Variants in FNDC3B observed in about 807,000 individuals in gnomAD.
The protein encoded by FNDC3B is fibronectin type III domain-containing protein 3B.
In FNDC3B, 12 loss-of-function variants were observed where a neutral mutation model predicts 151.5. The observed-to-expected ratio is 0.08, with a 90% CI of 0.05 to 0.13. The LOEUF is 0.13. FNDC3B is among the 10% of genes least tolerant of loss of function. FNDC3B has a pLI of 1.00. For synonymous variants in FNDC3B, 528 were observed against 549.0 expected (o/e 0.96, Z 0.54); for missense variants, 1,214 against 1,505.3 (o/e 0.81, Z 3.20).
chr3:172,219,359 GTGCT>G (rs1726155152), intron 3 of FNDC3B, among the ~76,000 whole-genome samples: 1 of 152,168 alleles, frequency 6.6e-6, no homozygotes, highest in African/African-American at 2.4e-5. Flanking sequence ...GAATGAAAAT[GTGCT>G]CTCAGAGATT....
At chr3:172,268,203 G>A (rs542261369) in intron 6 of FNDC3B, among the ~76,000 whole-genome samples, 4 of 152,020 alleles carry the variant, frequency 2.6e-5, no homozygotes, top group South Asian at 2.1e-4. Context: ...CATACTTGGC[G>A]GAAAATAATG....
At chr3:172,355,914 G>T (rs1489755712) in intron 22 of FNDC3B, among the ~76,000 whole-genome samples, 1 of 152,158 alleles carries the variant, frequency 6.6e-6, no homozygotes, top group African/African-American at 2.4e-5. Flanking sequence ...CAGGACTATT[G>T]CCTTCCTTGT....
intron 19 of FNDC3B, among the ~76,000 whole-genome samples, chr3:172,345,598 G>A (rs1034720699): frequency 5.9e-5 from 9 of 151,926 alleles, no homozygotes; most frequent in African/African-American, 1.7e-4. Flanking sequence ...CCTCCCCGCC[G>A]TCTTTTTTCT....
At chr3:172,298,706 A>G (rs753690001) in intron 8 of FNDC3B, 22 bp from the exon 9 acceptor site, 11 of 1,583,152 alleles carry the variant, frequency 6.9e-6, no homozygotes, top group South Asian at 1.1e-5. Flanking sequence ...ATTAGCAACT[A>G]ATGAATGCTT....
At chr3:172,381,393 T>A (rs1453009749) in intron 25 of FNDC3B, among the ~76,000 whole-genome samples, 1 of 152,228 alleles carries the variant, frequency 6.6e-6, no homozygotes, top group African/African-American at 2.4e-5. Context: ...AAAGTCAGTA[T>A]GTAATTGAAA....
At chr3:172,177,543 A>G (rs1021079118) in intron 3 of FNDC3B, among the ~76,000 whole-genome samples, 40 of 150,542 alleles carry the variant, frequency 2.7e-4, no homozygotes, top group Admixed American at 6.6e-5. Context: ...ATGTCTTGAA[A>G]GCTTATACTG....
chr3:172,252,999 C>T (rs1728161315), intron 6 of FNDC3B, among the ~76,000 whole-genome samples: 1 of 152,102 alleles, frequency 6.6e-6, no homozygotes, highest in South Asian at 2.1e-4. Flanking sequence ...TTAACCATGA[C>T]TATACAAGAA....
intron 6 of FNDC3B, among the ~76,000 whole-genome samples, chr3:172,281,033 C>T (rs560186360): frequency 6.7e-6 from 1 of 148,936 alleles, no homozygotes; most frequent in African/African-American, 2.6e-5. Flanking sequence ...AAGCTGAGCC[C>T]CCTTTCCCTT....
chr3:172,367,315 TATG>T (rs769794831), intron 23 of FNDC3B, among the ~76,000 whole-genome samples: 1 of 152,154 alleles, frequency 6.6e-6, no homozygotes, highest in East Asian at 1.9e-4. Context: ...TGCTGGGCCT[TATG>T]AGGTATGTGG....
chr3:172,226,975 C>T (rs1474684023), intron 4 of FNDC3B, 28 bp downstream of exon 4: 1 of 1,371,394 alleles, frequency 7.3e-7, no homozygotes, highest in Non-Finnish European at 1.0e-6. Flanking sequence ...CTTCTCTACT[C>T]ACTATGGACA....
chr3:172,304,220 G>A (rs17461979), intron 9 of FNDC3B, among the ~76,000 whole-genome samples: 86,429 of 152,052 alleles, frequency 0.57, 26,764 homozygotes, highest in African/African-American at 0.82. Context: ...AGAATTTACT[G>A]AGACCAAATT....
intron 6 of FNDC3B, among the ~76,000 whole-genome samples, chr3:172,256,381 A>G (rs757743455): frequency 6.6e-6 from 1 of 152,200 alleles, no homozygotes; most frequent in African/African-American, 2.4e-5. Context: ...TTCCTCTCCC[A>G]GCATTTCATT....
At chr3:172,255,245 ACT>A in intron 6 of FNDC3B, among the ~76,000 whole-genome samples, 1 of 152,148 alleles carries the variant, frequency 6.6e-6, no homozygotes, top group East Asian at 1.9e-4. Flanking sequence ...TTCCTGGACC[ACT>A]GTCTCTGAAA....
intron 22 of FNDC3B, 36 bp downstream of exon 22, chr3:172,353,119 T>C: frequency 1.9e-6 from 3 of 1,594,432 alleles, no homozygotes; most frequent in Non-Finnish European, 2.6e-6. Context: ...CATCAGCACA[T>C]CAGCACTTGG....
Position 172,387,464 on chromosome 3 carries a change from A to G in FNDC3B, c.3303+6371A>G, listed in dbSNP as rs183951660. Among the ~76,000 whole-genome samples, 711 of 152,322 alleles carry G rather than the reference A, an allele frequency of 4.7e-3. 6 individuals are homozygous for G. The highest frequency in any genetic ancestry group is 0.016 in the African/African-American group (654 of 41,566). ...AATACAGAAATTAAACAATGAGGCT[A>G]TGACTGTCTCATAGGACAGTTTTTT... On this transcript the variant is annotated intron_variant, in intron 25 of 25. Transcript: ENST00000415807.
At chr3:172,174,987 C>T (rs1723504721) in intron 3 of FNDC3B, among the ~76,000 whole-genome samples, 2 of 133,278 alleles carry the variant, frequency 1.5e-5, no homozygotes, top group South Asian at 2.6e-4. Flanking sequence ...TCCTAGTTTC[C>T]TCTCTGGCCA....
At chr3:172,356,585 G>A (rs1247906022) in intron 22 of FNDC3B, among the ~76,000 whole-genome samples, 1 of 152,170 alleles carries the variant, frequency 6.6e-6, no homozygotes, top group Non-Finnish European at 1.5e-5. Flanking sequence ...GCCTGGAGCT[G>A]GAATGGTGGC....
At chr3:172,074,250 G>T (rs1717905568) in intron 1 of FNDC3B, among the ~76,000 whole-genome samples, 2 of 152,168 alleles carry the variant, frequency 1.3e-5, no homozygotes, top group African/African-American at 4.8e-5. Context: ...GCAAGTAGTT[G>T]TGGTTCCACA....
chr3:172,077,883 TAAAG>T (rs751798820), intron 1 of FNDC3B, among the ~76,000 whole-genome samples: 1 of 152,274 alleles, frequency 6.6e-6, no homozygotes, highest in Non-Finnish European at 1.5e-5. Flanking sequence ...GTAATCAAAA[TAAAG>T]CACACAGAAA....
Sources: gnomAD v4.1 joint callset for allele counts (sites outside exome capture counted in the v4.1 genomes callset) on GRCh38, gnomAD v4.1.1 for gene constraint, MANE v1.5 for transcripts, NCBI Gene and HGNC (gene_info 2026-07-23, HGNC 2026-07-21) for gene names.